PNPLA7: variants seen among roughly 807,000 people sequenced by gnomAD.
PNPLA7 encodes patatin like domain 7, lysophospholipase, also known as patatin-like phospholipase domain-containing protein 7.
In PNPLA7, 153 loss-of-function variants were observed where a neutral mutation model predicts 161.7. That is an observed-to-expected ratio of 0.95 (90% CI 0.83 to 1.08). PNPLA7 has a LOEUF of 1.08. Among genes scored for constraint, PNPLA7 ranks in the 50% least tolerant of loss-of-function variants. PNPLA7 has a pLI of 0.00. For missense variants in PNPLA7, 1,739 were observed against 1,856.6 expected (o/e 0.94, Z 1.16); for synonymous variants, 809 against 782.1 (o/e 1.03, Z -0.57).
chr9:137,464,530 T>A, intron 26 of PNPLA7, 74 bp from the exon 27 acceptor site: 2 of 1,345,876 alleles, frequency 1.5e-6, no homozygotes, highest in Non-Finnish European at 2.1e-6. Context: ...CGTGGCGTGC[T>A]GAGGGCCTCT....
intron 14 of PNPLA7, among the ~76,000 whole-genome samples, chr9:137,503,892 GAAGAAGAAGGAAGAAGA>G (rs1564325155): frequency 4.7e-4 from 35 of 74,592 alleles, no homozygotes; most frequent in East Asian, 1.6e-3. Context: ...GAAGAAGGAA[GAAGAAGAAGGAAGAAGA>G]AAGAAGAAGG....
chr9:137,480,763 G>A (rs1010366343), intron 22 of PNPLA7, 197 bp downstream of exon 22: 1 of 759,224 alleles, frequency 1.3e-6, no homozygotes, highest in Non-Finnish European at 2.1e-6. Flanking sequence ...GGTCCCCTGG[G>A]AGGCCTGACA....
chr9:137,460,398 C>G lies in PNPLA7; in HGVS notation c.4024G>C (p.Gly1342Arg). The part of the protein sequence containing the change: ...KLSEGSSDQD[G>R] ...GGGCTCTTTAGCAGAGGCCTCTACC[C>G]GTCCTGGTCAGAGGAGCCCTCAGAC... The change falls in exon 35 of 35, where the codon GGG (glycine) becomes CGG (arginine). Residue 1342 changes from glycine to arginine, a missense_variant. This residue lies in a region of PNPLA7 where 703 missense variants were observed against 694.6 expected (regional missense o/e 1.01). Transcript: ENST00000406427. 3 of 1,612,408 alleles carry G rather than the reference C, an allele frequency of 1.9e-6. No homozygotes were observed. The highest frequency in any genetic ancestry group is 1.7e-6 in the Non-Finnish European group (2 of 1,179,774).
chr9:137,532,084 T>C (rs973815747), intron 8 of PNPLA7, among the ~76,000 whole-genome samples: 5 of 152,206 alleles, frequency 3.3e-5, no homozygotes, highest in African/African-American at 7.2e-5. Context: ...TTTGCGTATC[T>C]GCGGTATTTT....
chr9:137,546,945 C>T (rs199873860), intron 3 of PNPLA7, 36 bp from the exon 4 acceptor site: 22 of 1,596,416 alleles, frequency 1.4e-5, no homozygotes, highest in Middle Eastern at 3.3e-4. Context: ...GAGGTAGAGC[C>T]GTGGCACAGG....
intron 1 of PNPLA7, among the ~76,000 whole-genome samples, chr9:137,548,895 G>A (rs1836689200): frequency 6.6e-6 from 1 of 152,196 alleles, no homozygotes; most frequent in Admixed American, 6.5e-5. Context: ...GGGAGCTTCT[G>A]CTTCAGGACA....
intron 18 of PNPLA7, among the ~76,000 whole-genome samples, chr9:137,496,206 C>T (rs1266892872): frequency 1.3e-5 from 2 of 149,400 alleles, no homozygotes; most frequent in Non-Finnish European, 3.0e-5. Context: ...CTCCCAGGTT[C>T]AAGCGATTCT....
At chr9:137,526,322 C>T (rs1454672825) in intron 8 of PNPLA7, among the ~76,000 whole-genome samples, 2 of 152,068 alleles carry the variant, frequency 1.3e-5, no homozygotes, top group Admixed American at 6.6e-5. Context: ...CAGAGTCTCA[C>T]TTTGGAGTGC....
chr9:137,549,953 A>C (rs1221334904), intron 1 of PNPLA7, among the ~76,000 whole-genome samples: 1 of 152,184 alleles, frequency 6.6e-6, no homozygotes, highest in Non-Finnish European at 1.5e-5. Flanking sequence ...ATGGGCCACC[A>C]CTGGCTGTCT....
chr9:137,492,923 C>T, intron 20 of PNPLA7, 90 bp downstream of exon 20: 2 of 794,476 alleles, frequency 2.5e-6, no homozygotes, highest in African/African-American at 5.1e-5. Context: ...GGGCCATGGG[C>T]TGGGAGGGCG....
At chr9:137,492,364 C>A (rs1330519466) in intron 20 of PNPLA7, 2 of 975,624 alleles carry the variant, frequency 2.0e-6, no homozygotes, top group African/African-American at 3.6e-5. Flanking sequence ...CACATTTCAT[C>A]TTTTCACATA....
intron 4 of PNPLA7, among the ~76,000 whole-genome samples, chr9:137,544,481 AC>A (rs1036857515): frequency 6.6e-6 from 1 of 151,892 alleles, no homozygotes; most frequent in African/African-American, 2.4e-5. Flanking sequence ...GCTCCAGACC[AC>A]CCTACGCCCT....
At chr9:137,479,393 C>G (rs570904578) in intron 23 of PNPLA7, 155 bp from the exon 24 acceptor site, 3 of 1,318,646 alleles carry the variant, frequency 2.3e-6, no homozygotes, top group East Asian at 2.9e-5. Context: ...TCTGCCTTGG[C>G]GCTGCCGAAG....
At chr9:137,505,133 A>G (rs547981046) in intron 14 of PNPLA7, among the ~76,000 whole-genome samples, 1 of 138,224 alleles carries the variant, frequency 7.2e-6, no homozygotes, top group Admixed American at 7.9e-5. Context: ...GGTTGCAGTG[A>G]GCCGAGATCA....
In PNPLA7 at chr9:137,480,433, G is replaced by T; in HGVS notation, c.2459C>A (p.Thr820Asn). The T allele has an allele frequency of 6.2e-7, 1 of 1,612,974 alleles. No homozygotes were observed. Among genetic ancestry groups the T allele is most frequent in the Non-Finnish European group, 8.5e-7 (1 of 1,179,524 alleles). ...LSSWLGQQED[T>N]HRIVLYQADG... ...TGCCTGGTAGAGCACGATCCTGTGGGTGTCCTCCTGCTGCCCCAGCCAGCT... is the reference window on the plus strand; with the variant it reads ...TGCCTGGTAGAGCACGATCCTGTGGTTGTCCTCCTGCTGCCCCAGCCAGCT... The change falls in exon 23 of 35, where the codon ACC (threonine) becomes AAC (asparagine). Residue 820 changes from threonine (T) to asparagine (N), a missense_variant. This residue lies in a region of PNPLA7 where 192 missense variants were observed against 249.5 expected (regional missense o/e 0.77). Coordinates refer to ENST00000406427, the MANE Select transcript of PNPLA7 (RefSeq NM_001098537.3).
At chr9:137,544,773 C>T (rs967430820) in intron 4 of PNPLA7, among the ~76,000 whole-genome samples, 1 of 152,052 alleles carries the variant, frequency 6.6e-6, no homozygotes, top group Non-Finnish European at 1.5e-5. Context: ...CCTCAGCCTC[C>T]CGAGTAGTTG....
chr9:137,513,303 C>A (rs13439931), intron 12 of PNPLA7, among the ~76,000 whole-genome samples: 4,722 of 152,012 alleles, frequency 0.031, 232 homozygotes, highest in African/African-American at 0.11. Flanking sequence ...CCAGCCTGGC[C>A]AACATGGGGA....
chr9:137,546,006 T>C (rs572955782), intron 4 of PNPLA7, among the ~76,000 whole-genome samples: 6 of 151,790 alleles, frequency 4.0e-5, no homozygotes, highest in Non-Finnish European at 7.4e-5. Context: ...ATCAGTCAGG[T>C]TCGCCCGCAG....
At chr9:137,506,959 ACCGCAGACACATGCCACACAGATG>A (rs1311246166) in intron 12 of PNPLA7, among the ~76,000 whole-genome samples, 1 of 152,144 alleles carries the variant, frequency 6.6e-6, no homozygotes, top group East Asian at 1.9e-4. Context: ...GCAGACACTA[ACCGCAGACACATGCCACACAGATG>A]CCGCAGCCAC....
Sources: gnomAD v4.1 joint callset for allele counts (sites outside exome capture counted in the v4.1 genomes callset) on GRCh38, gnomAD v4.1.1 for gene constraint, gnomAD v4.1.1 regional missense constraint, MANE v1.5 for transcripts, NCBI Gene and HGNC (gene_info 2026-07-23, HGNC 2026-07-21) for gene names.